NDUFA10: variants seen among roughly 807,000 people sequenced by gnomAD.
The protein encoded by NDUFA10 is NADH dehydrogenase [ubiquinone] 1 alpha subcomplex subunit 10, mitochondrial.
In NDUFA10, 40 loss-of-function variants were observed where a neutral mutation model predicts 47.8. The ratio of observed to expected loss-of-function variants is 0.84; its 90% CI spans 0.65 to 1.09. The LOEUF is 1.09. Among genes scored for constraint, NDUFA10 ranks in the 50% least tolerant of loss-of-function variants. NDUFA10 has a pLI of 0.00. For missense variants in NDUFA10, 413 were observed against 451.1 expected (o/e 0.92, Z 0.76); for synonymous variants, 183 against 172.2 (o/e 1.06, Z -0.49).
Position 240,022,276 on chromosome 2 carries a change from TC to T in NDUFA10, c.139del (p.Asp47IlefsTer7), listed in dbSNP as rs1182575721. ...TTCTGTCAGTCTTTTGCTTGCTTTA[TC>T]CCCAAGTAGGAAATGCCACATTCCA... ...RYGMWHFLLGDKASKRLTERS... is the reference protein window; with the variant it reads ...RYGMWHFLLGXKASKRLTERS... On this transcript the variant is annotated frameshift_variant, in exon 2 of 10. Coordinates refer to ENST00000252711, the MANE Select transcript of NDUFA10 (RefSeq NM_004544.4). LOFTEE classifies it high-confidence loss of function. 7.4e-6 allele frequency: 12 copies of T among 1,614,100 alleles called. No individual in the cohort carries two copies. Among genetic ancestry groups the T allele is most frequent in the Non-Finnish European group, 1.0e-5 (12 of 1,180,008 alleles).
chr2:240,012,521 C>G (rs1311666791), intron 5 of NDUFA10: 1 of 152,094 alleles, frequency 6.6e-6, no homozygotes, highest in African/African-American at 2.4e-5. Context: ...AATGAATAGG[C>G]CTGCGGTTTC....
At chr2:239,929,760 C>T (rs1265224798) in intron 4 of NDUFA10, among the ~76,000 whole-genome samples, 1 of 144,758 alleles carries the variant, frequency 6.9e-6, no homozygotes, top group African/African-American at 2.5e-5. Context: ...GCTCTTGCTC[C>T]TCCACTGCCC....
intron 4 of NDUFA10, among the ~76,000 whole-genome samples, chr2:239,940,887 T>A (rs1049241206): frequency 6.6e-6 from 1 of 152,244 alleles, no homozygotes; most frequent in Admixed American, 6.5e-5. Context: ...AACAGAGTTA[T>A]AAGATAGTTC....
intron 9 of NDUFA10, among the ~76,000 whole-genome samples, chr2:239,989,518 C>CTGGT (rs1261647530): frequency 6.6e-6 from 1 of 152,388 alleles, no homozygotes; most frequent in Middle Eastern, 3.4e-3. Context: ...AACTCACCCG[C>CTGGT]TGGTTCCCAG....
chr2:239,903,476 A>G (rs1401612822), intron 4 of NDUFA10, among the ~76,000 whole-genome samples: 3 of 152,168 alleles, frequency 2.0e-5, no homozygotes, highest in African/African-American at 7.2e-5. Flanking sequence ...AGGACAGGGC[A>G]GCTCCTGATG....
intron 9 of NDUFA10, among the ~76,000 whole-genome samples, chr2:239,981,549 T>C (rs999327579): frequency 7.2e-5 from 11 of 151,916 alleles, no homozygotes; most frequent in African/African-American, 2.4e-4. Context: ...AACACTAAAG[T>C]CAGAAAAATC....
chr2:239,892,589 G>A (rs542816270), exon 6 of NDUFA10: 4 of 152,282 alleles, frequency 2.6e-5, no homozygotes, highest in African/African-American at 9.6e-5. Flanking sequence ...ACAGCCTTAC[G>A]TACCAGGGCT....
intron 5 of NDUFA10, 46 bp from the exon 6 acceptor site, chr2:240,011,742 T>C: frequency 6.7e-7 from 1 of 1,493,518 alleles, no homozygotes; most frequent in East Asian, 2.3e-5. Context: ...TTAGAGTTCA[T>C]TCTCTTTGAC....
In NDUFA10 at chr2:239,945,439, G is replaced by A. The variant is rs1205546037; in HGVS notation, c.294+44635C>T. Reference sequence around the variant, plus strand: ...CGTCGCTCCAGCTCCTTTCAAAGACGCTGGGAGGCCCCTCGGGGGAAGAGC... The same window carrying A: ...CGTCGCTCCAGCTCCTTTCAAAGACACTGGGAGGCCCCTCGGGGGAAGAGC... On this transcript the variant is annotated intron_variant, in intron 4 of 5. Coordinates refer to the NDUFA10 transcript ENST00000419408. The surrounding 1 kb of genome is among the most constrained non-coding windows in gnomAD (Gnocchi z 4.6). Among the ~76,000 whole-genome samples, 2 of 152,150 alleles carry A rather than the reference G, an allele frequency of 1.3e-5. No homozygotes were observed. Among genetic ancestry groups the A allele is most frequent in the African/African-American group, 2.4e-5 (1 of 41,444 alleles).
intron 9 of NDUFA10, chr2:239,982,296 C>T (rs1695810878): frequency 1.7e-5 from 26 of 1,573,614 alleles, no homozygotes; most frequent in Non-Finnish European, 2.2e-5. Context: ...AGTTACTTGT[C>T]TTTTGCAATT....
At chr2:239,966,840 A>C (rs1226705292) in intron 9 of NDUFA10, among the ~76,000 whole-genome samples, 1 of 147,058 alleles carries the variant, frequency 6.8e-6, no homozygotes. Flanking sequence ...CAGCATGTGC[A>C]AGGATTTCTT....
chr2:240,008,533 T>C (rs1289878003), intron 6 of NDUFA10, among the ~76,000 whole-genome samples: 1 of 152,256 alleles, frequency 6.6e-6, no homozygotes, highest in Non-Finnish European at 1.5e-5. Flanking sequence ...TAAGTGAATA[T>C]TCAACTGAAG....
At chr2:240,000,014 G>A (rs1283779547) in intron 8 of NDUFA10, among the ~76,000 whole-genome samples, 3 of 152,212 alleles carry the variant, frequency 2.0e-5, no homozygotes, top group African/African-American at 7.2e-5. Flanking sequence ...CCGTGTCTGC[G>A]GTGATGTGGC....
At chr2:239,913,065 G>A (rs1240943174) in intron 4 of NDUFA10, among the ~76,000 whole-genome samples, 3 of 145,156 alleles carry the variant, frequency 2.1e-5, no homozygotes, top group Non-Finnish European at 4.5e-5. Flanking sequence ...CTGCCACTCG[G>A]GGCCACTGCT....
intron 4 of NDUFA10, among the ~76,000 whole-genome samples, chr2:239,919,098 G>C (rs79135598): frequency 0.031 from 4,769 of 152,312 alleles, 117 homozygotes; most frequent in Non-Finnish European, 0.047. Context: ...AGGCAGCAGA[G>C]GGGCCGAGGT....
At chr2:239,892,888 C>T (rs1167525433) in intron 5 of NDUFA10, among the ~76,000 whole-genome samples, 1 of 152,184 alleles carries the variant, frequency 6.6e-6, no homozygotes, top group Non-Finnish European at 1.5e-5. Context: ...AATGTGTAGG[C>T]AGGGGGGCAA....
At chr2:240,025,181 CG>C in intron 1 of NDUFA10, 45 bp downstream of exon 1, 2 of 618,278 alleles carry the variant, frequency 3.2e-6, no homozygotes, top group Non-Finnish European at 4.6e-6. Flanking sequence ...CCCGCCACCC[CG>C]CCACCCTGCC....
At position 239,987,256 on chromosome 2, in the gene NDUFA10, T is replaced by C. The variant is rs1696035889; in HGVS notation, c.999+2818A>G. On this transcript the variant is annotated intron_variant, in intron 9 of 9. Coordinates refer to ENST00000252711, the MANE Select transcript of NDUFA10 (RefSeq NM_004544.4). This position sits in a 1 kb window ranked among gnomAD's most constrained non-coding sequence, Gnocchi z 4.8. ...GACTCTGACAGCTGTCCTGGGGTTG[T>C]GGAGGAGAACACCCTTGTTTGTGAG... Among the ~76,000 whole-genome samples the C allele has an allele frequency of 6.6e-6, 1 of 152,066 alleles. No individual in the cohort carries two copies. Among genetic ancestry groups the C allele is most frequent in the Non-Finnish European group, 1.5e-5 (1 of 68,008 alleles).
chr2:239,988,244 T>TC (rs1696085787), intron 9 of NDUFA10, among the ~76,000 whole-genome samples: 2 of 152,168 alleles, frequency 1.3e-5, no homozygotes, highest in Non-Finnish European at 2.9e-5. Context: ...TTTCAGATGC[T>TC]ACATAAATAT....
Sources: allele counts gnomAD v4.1 joint callset (sites outside exome capture counted in the v4.1 genomes callset), GRCh38; gene constraint gnomAD v4.1.1; non-coding constraint Gnocchi (gnomAD v3.1); transcripts MANE v1.5; gene names NCBI Gene and HGNC (gene_info 2026-07-23, HGNC 2026-07-21).